The following C4orf51 variants were observed in gnomAD, a reference collection of about 807,000 sequenced individuals.
C4orf51 encodes uncharacterized protein C4orf51.
A neutral mutation model predicts 25.2 loss-of-function variants in C4orf51; 25 were observed. The observed-to-expected ratio is 0.99, with a 90% CI of 0.72 to 1.39. The LOEUF (loss-of-function observed/expected upper bound fraction) is 1.39, where lower values mean the gene tolerates loss of function less well. C4orf51 is among the 40% of genes most tolerant of loss of function. The pLI, the probability that C4orf51 is intolerant of heterozygous loss-of-function variation, is 0.00. For synonymous variants in C4orf51, 100 were observed against 84.5 expected (o/e 1.18, Z -1.01); for missense variants, 252 against 239.6 (o/e 1.05, Z -0.34).
chr4:145,711,780 T>C (rs924260426), intron 2 of C4orf51, among the ~76,000 whole-genome samples: 7 of 152,200 alleles, frequency 4.6e-5, no homozygotes, highest in African/African-American at 1.4e-4. Context: ...TTATTGTGCT[T>C]GCTTAAGGTA....
chr4:145,715,639 G>A (rs534822126), intron 2 of C4orf51, among the ~76,000 whole-genome samples: 109 of 152,220 alleles, frequency 7.2e-4, no homozygotes, highest in African/African-American at 2.6e-3. Flanking sequence ...GTCATCCATG[G>A]GTGGTTGTCA....
intron 1 of C4orf51, among the ~76,000 whole-genome samples, chr4:145,694,835 T>C (rs1031082007): frequency 2.0e-5 from 3 of 152,038 alleles, no homozygotes; most frequent in Non-Finnish European, 4.4e-5. Context: ...TGAAAACAGC[T>C]CCCTAGAGAA....
intron 2 of C4orf51, among the ~76,000 whole-genome samples, chr4:145,709,405 C>T (rs1432178168): frequency 6.6e-6 from 1 of 152,186 alleles, no homozygotes; most frequent in Non-Finnish European, 1.5e-5. Flanking sequence ...CACAATGTGC[C>T]AAGAGACAGG....
the C4orf51 span, among the ~76,000 whole-genome samples, chr4:145,790,593 GGATTCTGCAGTTCT>G: frequency 6.6e-6 from 1 of 152,026 alleles, no homozygotes; most frequent in Admixed American, 6.6e-5. Flanking sequence ...AAGCCTCTAG[GGATTCTGCAGTTCT>G]CTTCACTAAG....
At chr4:145,696,110 A>C (rs1390099907) in intron 1 of C4orf51, among the ~76,000 whole-genome samples, 1 of 152,176 alleles carries the variant, frequency 6.6e-6, no homozygotes, top group Non-Finnish European at 1.5e-5. Context: ...AAAAATAAAA[A>C]AATTAGCTGG....
chr4:145,689,664 G>A (rs1278943351), intron 1 of C4orf51, among the ~76,000 whole-genome samples: 1 of 152,006 alleles, frequency 6.6e-6, no homozygotes, highest in East Asian at 1.9e-4. Flanking sequence ...TTAATATTAA[G>A]TGTCAACATA....
At chr4:145,746,595 A>G (rs1733383805) in intron 1 of C4orf51, among the ~76,000 whole-genome samples, 1 of 152,132 alleles carries the variant, frequency 6.6e-6, no homozygotes, top group Admixed American at 6.6e-5. Context: ...TGCCAGTACC[A>G]TGCTGTTTTG....
chr4:145,693,041 T>G (rs1197862247), intron 1 of C4orf51, among the ~76,000 whole-genome samples: 1 of 148,842 alleles, frequency 6.7e-6, no homozygotes, highest in African/African-American at 2.5e-5. Context: ...TTTTATTAAA[T>G]TTATTTTTTT....
intron 3 of C4orf51, among the ~76,000 whole-genome samples, chr4:145,727,915 A>ATATC (rs1732165539): frequency 9.1e-6 from 1 of 109,306 alleles, no homozygotes; most frequent in Non-Finnish European, 1.7e-5. Context: ...ATATATATAT[A>ATATC]TATATATAAA....
At chr4:145,701,229 C>A (rs1023945303) in intron 2 of C4orf51, among the ~76,000 whole-genome samples, 4 of 118,348 alleles carry the variant, frequency 3.4e-5, no homozygotes, top group Non-Finnish European at 5.2e-5. Context: ...TCAAGGTGTA[C>A]AATAATAAAA....
the C4orf51 span, among the ~76,000 whole-genome samples, chr4:145,782,685 A>G: frequency 1.3e-5 from 2 of 152,044 alleles, no homozygotes; most frequent in African/African-American, 4.8e-5. Flanking sequence ...AAATCTCATC[A>G]TGTCTTGTTC....
At chr4:145,682,446 T>C (rs1728897825) in intron 1 of C4orf51, among the ~76,000 whole-genome samples, 1 of 152,214 alleles carries the variant, frequency 6.6e-6, no homozygotes, top group Admixed American at 6.5e-5. Flanking sequence ...CATAAGGCTA[T>C]AGAGAGACAT....
intron 1 of C4orf51, among the ~76,000 whole-genome samples, chr4:145,692,267 C>T (rs1729629482): frequency 6.6e-6 from 1 of 152,156 alleles, no homozygotes; most frequent in Non-Finnish European, 1.5e-5. Context: ...ACTATGGTTC[C>T]ACTCAGTAAT....
intron 1 of C4orf51, among the ~76,000 whole-genome samples, chr4:145,748,036 T>G (rs1015810927): frequency 6.6e-6 from 1 of 152,106 alleles, no homozygotes; most frequent in East Asian, 1.9e-4. Flanking sequence ...ATTACCACTT[T>G]GATCTCGTTA....
rs192385956 is a variant in C4orf51, at chr4:145,683,541, G to A, written c.233+3105G>A. Among the ~76,000 whole-genome samples, 345 of 152,334 alleles carry A rather than the reference G, an allele frequency of 2.3e-3. 1 individual carries two copies. Among genetic ancestry groups the A allele is most frequent in the Non-Finnish European group, 3.2e-3 (218 of 68,030 alleles). On this transcript the variant is annotated intron_variant, in intron 1 of 5. Transcript: ENST00000438731. Reference sequence around the variant, plus strand: ...AAGTAATCAAGATAGTGTAGTATTGGTGAGAGAACAGATCAATGAAGTAGA... The same window carrying A: ...AAGTAATCAAGATAGTGTAGTATTGATGAGAGAACAGATCAATGAAGTAGA...
the C4orf51 span, chr4:145,779,389 G>T: frequency 1.2e-6 from 2 of 1,614,028 alleles, no homozygotes; most frequent in Admixed American, 3.3e-5. Context: ...TGCAGCGAGA[G>T]GTGTCGGGAC....
intron 1 of C4orf51, among the ~76,000 whole-genome samples, chr4:145,683,288 A>G (rs1425479174): frequency 6.6e-6 from 1 of 152,194 alleles, no homozygotes; most frequent in Non-Finnish European, 1.5e-5. Context: ...TTCCATGTCC[A>G]TGGATAGGAA....
At chr4:145,735,489 G>A (rs1732757493), downstream of C4orf51, among the ~76,000 whole-genome samples, 1 of 152,162 alleles carries the variant, frequency 6.6e-6, no homozygotes, top group Admixed American at 6.5e-5. Flanking sequence ...AGAGGTGGTG[G>A]GAGGGGTTGG....
chr4:145,699,037 C>T (rs1192608953), intron 2 of C4orf51, among the ~76,000 whole-genome samples: 3 of 151,598 alleles, frequency 2.0e-5, no homozygotes, highest in South Asian at 2.1e-4. Context: ...CTGGCTCATT[C>T]TGGCTCAAAT....
Sources: allele counts gnomAD v4.1 joint callset (sites outside exome capture counted in the v4.1 genomes callset), GRCh38; gene constraint gnomAD v4.1.1; transcripts MANE v1.5; gene names NCBI Gene and HGNC (gene_info 2026-07-23, HGNC 2026-07-21).